The following ATG16L2 variants were observed in gnomAD, a reference collection of about 807,000 sequenced individuals.
ATG16L2 encodes the protein protein Atg16l2.
ATG16L2 carries 77 observed loss-of-function variants against 84.7 expected under a neutral mutation model. That is an observed-to-expected ratio of 0.91 (90% confidence interval 0.76 to 1.10). The LOEUF is 1.10. Among genes scored for constraint, ATG16L2 ranks in the 50% least tolerant of loss-of-function variants. The pLI, the probability that ATG16L2 is intolerant of heterozygous loss-of-function variation, is 0.00. For synonymous variants in ATG16L2, 361 were observed against 342.8 expected, an observed-to-expected ratio of 1.05 and a Z score of -0.59; for missense variants, 782 against 817.6, an observed-to-expected ratio of 0.96 and a Z score of 0.53.
exon 6 of ATG16L2, chr11:72,842,895 T>C: frequency 8.0e-6 from 11 of 1,375,390 alleles, no homozygotes; most frequent in East Asian, 2.3e-5. Context: ...CCGGTTGCTT[T>C]TGCAACCACC....
At chr11:72,838,833 C>T in intron 5 of ATG16L2, 1 of 1,608,398 alleles carries the variant, frequency 6.2e-7, no homozygotes, top group Non-Finnish European at 8.5e-7. Flanking sequence ...TCTCTGCTGG[C>T]CTTCGGTGAT....
At chr11:72,843,464 C>G in exon 6 of ATG16L2, 2 of 1,613,250 alleles carry the variant, frequency 1.2e-6, no homozygotes, top group South Asian at 2.2e-5. Context: ...CCCAGTCTTC[C>G]ATATCTCCAT....
chr11:72,820,925 T>C (rs1286179677), intron 3 of ATG16L2, among the ~76,000 whole-genome samples: 1 of 151,950 alleles, frequency 6.6e-6, no homozygotes, highest in East Asian at 1.9e-4. Context: ...GCTGTTCCCA[T>C]ATTGAGTCTG....
chr11:72,821,887 GCTGGGCT>G, intron 4 of ATG16L2, 146 bp downstream of exon 4: 1 of 1,420,884 alleles, frequency 7.0e-7, no homozygotes, highest in Non-Finnish European at 9.2e-7. Context: ...GGACCGAACG[GCTGGGCT>G]CTGAGGGCGA....
intron 5 of ATG16L2, among the ~76,000 whole-genome samples, chr11:72,840,113 T>C (rs945737304): frequency 6.6e-6 from 1 of 152,180 alleles, no homozygotes; most frequent in South Asian, 2.1e-4. Flanking sequence ...CCCTATATCC[T>C]TTCTGCCACC....
rs895316207 is a variant in ATG16L2 at position 72,828,829 on chromosome 11, T to G, written c.1670+53T>G. On this transcript the variant is annotated intron_variant, in intron 16 of 17. Transcript: ENST00000321297. ...TCCAAGTGTGCCCTGCCGGACCCTG[T>G]GTGTGCCCTCCCCTCTGACCCCCCG... The G allele has an allele frequency of 5.0e-6, 8 of 1,613,790 alleles. No individual in the cohort carries two copies. The African/African-American group carries it at 9.3e-5, about 19-fold the overall frequency.
chr11:72,829,275 C>G (rs1406403643), intron 17 of ATG16L2, 28 bp from the exon 18 acceptor site: 1 of 1,610,098 alleles, frequency 6.2e-7, no homozygotes, highest in South Asian at 1.1e-5. Context: ...CTGAAGCCCC[C>G]CTGAAGCCTG....
chr11:72,833,685 C>G (rs551319989), downstream of ATG16L2, among the ~76,000 whole-genome samples: 2 of 152,248 alleles, frequency 1.3e-5, no homozygotes, highest in East Asian at 3.9e-4. Context: ...CTTTTGGAGG[C>G]TGGGGCAGGT....
At position 72,826,693 on chromosome 11, in the gene ATG16L2, C is replaced by A. The variant is rs142632291; in HGVS notation, c.1246-10C>A. 8,085 of 1,614,076 alleles carry A rather than the reference C, an allele frequency of 5.0e-3. 31 individuals carry two copies. The highest frequency in any genetic ancestry group is 6.1e-3 in the Non-Finnish European group (7,235 of 1,180,002). ...CAAACTCTTGATCCGTACCTGGGGC[C>A]GGGGTACAGGAGACACTGTCTGGAC... On this transcript the variant is annotated splice_polypyrimidine_tract_variant and intron_variant, in intron 12 of 17. Transcript: ENST00000321297.
Position 72,824,786 on chromosome 11 carries a change from C to A in ATG16L2, c.940C>A (p.Gln314Lys). ...TGGGGGAGCCCCTGAGCAGCGATAC[C>A]AGATCATCCCTGTGTGTGTGGCTGC... is the stretch of plus-strand genomic sequence containing the variant. ...SIGGAPEQRY[Q>K]IIPVCVAARL... The change falls in exon 9 of 18, where the codon CAG becomes AAG. Residue 314 changes from glutamine (Q) to lysine (K), a missense_variant. Transcript: ENST00000321297. The A allele has an allele frequency of 6.2e-7, 1 of 1,612,062 alleles. No individual in the cohort carries two copies. The highest frequency in any genetic ancestry group is 8.5e-7 in the Non-Finnish European group (1 of 1,178,998).
chr11:72,827,608 C>T (rs1860439138), intron 14 of ATG16L2, among the ~76,000 whole-genome samples: 1 of 152,166 alleles, frequency 6.6e-6, no homozygotes, highest in African/African-American at 2.4e-5. Context: ...GTTTTTTAAA[C>T]CAAAGACCCT....
Position 72,822,109 on chromosome 11 carries a change from TGGA to T in ATG16L2, c.463_465del (p.Glu155del). On this transcript the variant is annotated inframe_deletion, in exon 5 of 18. Transcript: ENST00000321297. This position sits in a 1 kb window ranked among gnomAD's most constrained non-coding sequence, Gnocchi z 4.2. ...GCGCGGGCGCAGCAGGCCCAGCAGGTGGAGGAGTGGCGGGCGCAGAATGCGGTG... is the reference window on the plus strand; with the variant it reads ...GCGCGGGCGCAGCAGGCCCAGCAGGTGGAGTGGCGGGCGCAGAATGCGGTG... 3.3e-6 allele frequency: 5 copies of T among 1,534,258 alleles called. No homozygotes were observed. Among genetic ancestry groups the T allele is most frequent in the East Asian group, 4.9e-5 (2 of 40,902 alleles).
intron 9 of ATG16L2, 27 bp from the exon 10 acceptor site, chr11:72,825,275 G>A: frequency 6.3e-7 from 1 of 1,589,790 alleles, no homozygotes; most frequent in Non-Finnish European, 8.6e-7. Context: ...GGGAGGGCCG[G>A]GGCACCAACC....
intron 5 of ATG16L2, among the ~76,000 whole-genome samples, chr11:72,835,736 T>C (rs1426765197): frequency 1.3e-5 from 2 of 152,044 alleles, no homozygotes; most frequent in African/African-American, 4.8e-5. Context: ...CCAACATTTA[T>C]ACTGGAACAT....
At chr11:72,819,901 A>G (rs1379937212) in intron 3 of ATG16L2, among the ~76,000 whole-genome samples, 1 of 151,936 alleles carries the variant, frequency 6.6e-6, no homozygotes, top group Non-Finnish European at 1.5e-5. Context: ...GCCCGCCACC[A>G]TGCCCGGCTA....
rs201982526 is a variant in ATG16L2 at position 72,826,082 on chromosome 11, G to A, written c.1103-91G>A. Reference sequence around the variant, plus strand: ...ACCTGGGGATGTGTCGGGGGGTGGGGCGGGAACTGATCTTCCGCTCTCAAT... The same window carrying A: ...ACCTGGGGATGTGTCGGGGGGTGGGACGGGAACTGATCTTCCGCTCTCAAT... On this transcript the variant is annotated intron_variant, in intron 10 of 17. Coordinates refer to ENST00000321297, the MANE Select transcript of ATG16L2 (RefSeq NM_033388.2). The A allele has an allele frequency of 8.5e-6, 9 of 1,058,954 alleles. No individual in the cohort carries two copies. In the East Asian group the frequency reaches 2.3e-4, roughly 27 times the overall value. 65.6% of individuals were successfully genotyped at this position (1,058,954 alleles called of 1,614,324 possible). A position where few individuals can be genotyped will look rare whatever the true frequency, so the allele number is the denominator to read the frequency against.
In ATG16L2 at chr11:72,821,306, C is replaced by T. The variant is rs537435253; in HGVS notation, c.319-362C>T. On this transcript the variant is annotated intron_variant, in intron 3 of 17. Transcript: ENST00000321297. Reference sequence around the variant, plus strand: ...CCGGATGGGCATTTGGCAGCCTCTGCGCGAGGAGTCCTCGCAGTGGTTATG... The same window carrying T: ...CCGGATGGGCATTTGGCAGCCTCTGTGCGAGGAGTCCTCGCAGTGGTTATG... 3 of 1,043,072 alleles carry T rather than the reference C, an allele frequency of 2.9e-6. No individual in the cohort carries two copies. The African/African-American group carries it at 5.1e-5, about 18-fold the overall frequency. 64.6% of individuals were successfully genotyped at this position (1,043,072 alleles called of 1,614,324 possible). A position where few individuals can be genotyped will look rare whatever the true frequency, so the allele number is the denominator to read the frequency against.
At chr11:72,839,019 T>G (rs1860820981) in intron 5 of ATG16L2, 2 of 649,662 alleles carry the variant, frequency 3.1e-6, no homozygotes, top group Non-Finnish European at 5.5e-6. Context: ...TTCAACCTAG[T>G]CTTCACTATT....
intron 10 of ATG16L2, among the ~76,000 whole-genome samples, chr11:72,825,878 C>T (rs1860317765): frequency 1.3e-5 from 2 of 152,082 alleles, no homozygotes; most frequent in Admixed American, 1.3e-4. Flanking sequence ...CTAGAAAAGG[C>T]AAGTTTCTGG....
Sources: gnomAD v4.1 joint callset for allele counts (sites outside exome capture counted in the v4.1 genomes callset) on GRCh38, gnomAD v4.1.1 for gene constraint, Gnocchi (gnomAD v3.1) non-coding constraint, MANE v1.5 for transcripts, NCBI Gene and HGNC (gene_info 2026-07-23, HGNC 2026-07-21) for gene names.